Variants in IFT74 observed in about 807,000 individuals in gnomAD.
The protein encoded by IFT74 is intraflagellar transport protein 74 homolog.
IFT74 carries 92 observed loss-of-function variants against 96.7 expected under a neutral mutation model. That is an observed-to-expected ratio of 0.95 (90% CI 0.80 to 1.13). The LOEUF (loss-of-function observed/expected upper bound fraction) is 1.13. Among genes scored for constraint, IFT74 ranks in the 50% most tolerant of loss-of-function variants. The probability of loss-of-function intolerance (pLI) is 0.00; values close to 1 mark genes in which losing one functional copy is unlikely to be tolerated. For synonymous variants in IFT74, 223 were observed against 213.2 expected, an observed-to-expected ratio of 1.05 and a Z score of -0.40; for missense variants, 811 against 698.2, an observed-to-expected ratio of 1.16 and a Z score of -1.82.
chr9:27,034,712 T>G (rs1284860301), intron 13 of IFT74, among the ~76,000 whole-genome samples: 1 of 152,114 alleles, frequency 6.6e-6, no homozygotes, highest in East Asian at 1.9e-4. Flanking sequence ...GTATTTTTAG[T>G]AGAGATGGGG....
rs140528937 is a variant in IFT74, at chr9:26,983,990, G to A, written c.306-267G>A. ...ATAGAGATGGGGTTTCACCATGTTG[G>A]CCAGGCTTGTCTTGAGCTCCTGACC... On this transcript the variant is annotated intron_variant, in intron 4 of 19. Coordinates refer to ENST00000380062, the MANE Select transcript of IFT74 (RefSeq NM_025103.4). 2,168 of 232,192 alleles carry A rather than the reference G, an allele frequency of 9.3e-3. 17 individuals are homozygous for A. Among genetic ancestry groups the A allele is most frequent in the Non-Finnish European group, 0.014 (1,638 of 120,084 alleles). 14.4% of individuals were successfully genotyped at this position (232,192 alleles called of 1,614,324 possible).
rs564474053 is a variant in IFT74 at position 27,036,023 on chromosome 9, C to T, written c.1054+6919C>T. 1.5e-3 allele frequency among the ~76,000 whole-genome samples: 232 copies of T among 152,212 alleles called. 1 individual carries two copies. The highest frequency in any genetic ancestry group is 5.3e-3 in the African/African-American group (222 of 41,530). On this transcript the variant is annotated intron_variant, in intron 13 of 19. Transcript: ENST00000380062. The stretch of plus-strand genomic sequence containing the variant: ...TTACCAATAACATAAACAGTTAACA[C>T]TATTTTGTATGTATTATATACTGTA...
chr9:27,002,782 T>G (rs55902149), intron 8 of IFT74, among the ~76,000 whole-genome samples: 1 of 152,202 alleles, frequency 6.6e-6, no homozygotes, highest in Non-Finnish European at 1.5e-5. Flanking sequence ...GGATCTTTTA[T>G]GGTTCCATAT....
At chr9:26,996,522 A>T (rs1828168391) in intron 8 of IFT74, 7 of 1,364,024 alleles carry the variant, frequency 5.1e-6, no homozygotes, top group Non-Finnish European at 6.7e-6. Context: ...AAAGAATAAG[A>T]TTTAGTATAG....
intron 8 of IFT74, among the ~76,000 whole-genome samples, chr9:26,997,368 C>T (rs1165420077): frequency 7.9e-6 from 1 of 127,092 alleles, no homozygotes; most frequent in Non-Finnish European, 1.6e-5. Flanking sequence ...GAGTCTCACT[C>T]TGTTGCCCAG....
chr9:27,031,135 A>G (rs1033690728), intron 13 of IFT74, among the ~76,000 whole-genome samples: 2 of 152,116 alleles, frequency 1.3e-5, no homozygotes, highest in African/African-American at 4.8e-5. Context: ...AGCCGGGACT[A>G]CAGGTCCATG....
At position 26,984,657 on chromosome 9, in the gene IFT74, A is replaced by G. The variant is rs999719242; in HGVS notation, c.465+98A>G. ...TAGTAGGCAAAGGACATGCACAGAT[A>G]CTTTTCAAAAGAAGACAAACATGCA... is the stretch of plus-strand genomic sequence containing the variant. On this transcript the variant is annotated intron_variant, in intron 6 of 19. Transcript: ENST00000380062. 10 of 886,476 alleles carry G rather than the reference A, an allele frequency of 1.1e-5. No individual in the cohort carries two copies. The African/African-American group carries it at 1.5e-4, about 13-fold the overall frequency. The allele number at this position is 886,476 out of a possible 1,614,324, so 54.9% of individuals were successfully genotyped here.
chr9:26,959,959 T>A (rs776882670), intron 1 of IFT74, among the ~76,000 whole-genome samples: 10 of 152,200 alleles, frequency 6.6e-5, no homozygotes, highest in Non-Finnish European at 1.2e-4. Context: ...GTTTCTGATT[T>A]TGCCAGATGG....
At chr9:26,980,872 A>G (rs796210971) in intron 4 of IFT74, among the ~76,000 whole-genome samples, 2 of 152,150 alleles carry the variant, frequency 1.3e-5, no homozygotes, top group Middle Eastern at 3.2e-3. Flanking sequence ...CATGAGCTAT[A>G]TTTTCCCTCA....
intron 13 of IFT74, among the ~76,000 whole-genome samples, chr9:27,035,328 C>T (rs1427464412): frequency 1.3e-5 from 2 of 152,202 alleles, no homozygotes; most frequent in Non-Finnish European, 2.9e-5. Context: ...TTTCAAATGG[C>T]ATCTATCCAT....
intron 16 of IFT74, among the ~76,000 whole-genome samples, chr9:27,049,335 A>G (rs1156403720): frequency 6.6e-6 from 1 of 152,236 alleles, no homozygotes; most frequent in East Asian, 1.9e-4. Context: ...AAGAAAGGGT[A>G]GTCAGGGGCC....
At chr9:26,964,207 T>C (rs1447236545) in intron 2 of IFT74, among the ~76,000 whole-genome samples, 1 of 141,456 alleles carries the variant, frequency 7.1e-6, no homozygotes, top group Non-Finnish European at 1.5e-5. Flanking sequence ...CCAGCACCAT[T>C]TATTAAATAG....
intron 16 of IFT74, among the ~76,000 whole-genome samples, chr9:27,052,034 T>C (rs1819941431): frequency 2.0e-5 from 3 of 152,254 alleles, no homozygotes; most frequent in Non-Finnish European, 4.4e-5. Flanking sequence ...AAGTTTTTCA[T>C]TTATCTAAAG....
Position 27,047,053 on chromosome 9 carries a change from G to C in IFT74, c.1109-221G>C, listed in dbSNP as rs1336594260. Among the ~76,000 whole-genome samples, 4 of 152,216 alleles carry C rather than the reference G, an allele frequency of 2.6e-5. No individual in the cohort carries two copies. In the East Asian group the frequency reaches 7.7e-4, roughly 29 times the overall value. On this transcript the variant is annotated intron_variant, in intron 14 of 19. Transcript: ENST00000380062. ...CTGGGCGTGATGGTGCATGCCTGTAGTCCCAGCTACTCAGGAGGCTGAGGC... is the reference window on the plus strand; with the variant it reads ...CTGGGCGTGATGGTGCATGCCTGTACTCCCAGCTACTCAGGAGGCTGAGGC...
At chr9:27,048,598 C>T (rs1204912854) in intron 16 of IFT74, among the ~76,000 whole-genome samples, 2 of 152,156 alleles carry the variant, frequency 1.3e-5, no homozygotes, top group African/African-American at 2.4e-5. Flanking sequence ...GAGGGTCCAG[C>T]ATGAATTGAA....
At chr9:27,025,019 G>A (rs12349355) in intron 12 of IFT74, among the ~76,000 whole-genome samples, 3,267 of 151,276 alleles carry the variant, frequency 0.022, 124 homozygotes, top group African/African-American at 0.074. Flanking sequence ...TTGAGATTCT[G>A]TTAAATGGCC....
chr9:27,015,626 A>T (rs994799128), intron 10 of IFT74, among the ~76,000 whole-genome samples: 1 of 152,086 alleles, frequency 6.6e-6, no homozygotes, highest in African/African-American at 2.4e-5. Context: ...GAAAGAGCGA[A>T]ATTCCATCTC....
At chr9:27,037,555 G>A (rs112107763) in intron 13 of IFT74, among the ~76,000 whole-genome samples, 1,627 of 152,334 alleles carry the variant, frequency 0.011, 12 homozygotes, top group Middle Eastern at 0.024. Flanking sequence ...CAAGTCTTCA[G>A]TTGTGTTGAA....
At chr9:27,019,068 C>T (rs1829480696) in intron 12 of IFT74, among the ~76,000 whole-genome samples, 2 of 152,168 alleles carry the variant, frequency 1.3e-5, no homozygotes, top group East Asian at 1.9e-4. Flanking sequence ...AACTCCTGGG[C>T]TCAAACCTCC....
Sources: allele counts gnomAD v4.1 joint callset (sites outside exome capture counted in the v4.1 genomes callset), GRCh38; gene constraint gnomAD v4.1.1; transcripts MANE v1.5; gene names NCBI Gene and HGNC (gene_info 2026-07-23, HGNC 2026-07-21).